The following GMDS variants were observed in gnomAD, a reference collection of about 807,000 sequenced individuals.
GMDS encodes GDP-mannose 4,6 dehydratase.
In GMDS, 20 loss-of-function variants were observed where a neutral mutation model predicts 49.9. That is an observed-to-expected ratio of 0.40 (90% CI 0.28 to 0.58). The LOEUF is 0.58. Among genes scored for constraint, GMDS ranks in the 20% least tolerant of loss-of-function variants. The pLI, the probability that GMDS is intolerant of heterozygous loss-of-function variation, is 0.42. For synonymous variants in GMDS, 177 were observed against 178.6 expected (o/e 0.99, Z 0.07); for missense variants, 362 against 481.4 (o/e 0.75, Z 2.32).
At chr6:1,651,542 G>A (rs559114518) in intron 9 of GMDS, among the ~76,000 whole-genome samples, 166 of 152,284 alleles carry the variant, frequency 1.1e-3, no homozygotes, top group Non-Finnish European at 1.9e-3. Flanking sequence ...ACAGTTGTTG[G>A]GGGCCGCACC....
At chr6:1,769,977 C>T (rs1401021117) in intron 7 of GMDS, among the ~76,000 whole-genome samples, 2 of 152,196 alleles carry the variant, frequency 1.3e-5, no homozygotes, top group African/African-American at 2.4e-5. Flanking sequence ...CCACCCGCCT[C>T]GGCCTCCCCG....
At chr6:1,679,245 G>A (rs995271052) in intron 9 of GMDS, 1 of 152,206 alleles carries the variant, frequency 6.6e-6, no homozygotes, top group African/African-American at 2.4e-5. Context: ...CGCTGGCACT[G>A]GATCCAAACC....
At chr6:1,789,214 C>T (rs1769431484) in intron 7 of GMDS, among the ~76,000 whole-genome samples, 1 of 152,234 alleles carries the variant, frequency 6.6e-6, no homozygotes, top group African/African-American at 2.4e-5. Flanking sequence ...TCAACGTGTT[C>T]ACTACCCAGA....
At chr6:1,688,224 G>A (rs1765053505) in intron 9 of GMDS, among the ~76,000 whole-genome samples, 1 of 152,162 alleles carries the variant, frequency 6.6e-6, no homozygotes, top group Admixed American at 6.5e-5. Context: ...TGATGCTTTG[G>A]GGTTTCAGCA....
intron 1 of GMDS, among the ~76,000 whole-genome samples, chr6:2,220,791 C>T (rs1475860307): frequency 1.3e-5 from 2 of 151,942 alleles, no homozygotes; most frequent in African/African-American, 4.8e-5. Flanking sequence ...ATCTGAAACA[C>T]TTGTGCTCCC....
chr6:2,047,183 T>C (rs1238022038), intron 4 of GMDS, among the ~76,000 whole-genome samples: 10 of 152,246 alleles, frequency 6.6e-5, no homozygotes, highest in African/African-American at 2.4e-4. Context: ...ATAGTTGTAT[T>C]GTAGCTGACA....
At chr6:2,056,111 C>T (rs1391943102) in intron 4 of GMDS, among the ~76,000 whole-genome samples, 1 of 152,108 alleles carries the variant, frequency 6.6e-6, no homozygotes, top group Non-Finnish European at 1.5e-5. Context: ...CATTCTACTG[C>T]TTGTATGTCA....
chr6:1,952,484 C>T (rs569032618), intron 6 of GMDS, among the ~76,000 whole-genome samples: 1 of 152,108 alleles, frequency 6.6e-6, no homozygotes, highest in African/African-American at 2.4e-5. Flanking sequence ...ATAGCCAAAC[C>T]CCTCTGATTC....
At chr6:2,155,591 G>A (rs1777074859) in intron 1 of GMDS, among the ~76,000 whole-genome samples, 1 of 152,140 alleles carries the variant, frequency 6.6e-6, no homozygotes, top group Non-Finnish European at 1.5e-5. Context: ...GAAGATTAGT[G>A]TGTACCAAGC....
intron 8 of GMDS, among the ~76,000 whole-genome samples, chr6:1,727,866 G>A (rs550044136): frequency 2.0e-5 from 3 of 152,146 alleles, no homozygotes; most frequent in Non-Finnish European, 4.4e-5. Flanking sequence ...ATATAGCGCA[G>A]TATGTTGAAT....
intron 7 of GMDS, among the ~76,000 whole-genome samples, chr6:1,913,054 G>A (rs1257940859): frequency 6.6e-6 from 1 of 152,142 alleles, no homozygotes; most frequent in Admixed American, 6.5e-5. Flanking sequence ...ATTTGATCAA[G>A]AAAACTAGTT....
Position 1,623,943 on chromosome 6 carries a change from G to A in GMDS, c.*226C>T, listed in dbSNP as rs1762763463. On this transcript the variant is annotated 3_prime_UTR_variant, in exon 11 of 11. Coordinates refer to ENST00000380815, the MANE Select transcript of GMDS (RefSeq NM_001500.4). ...TCTTGATTTCACAAAGCCATTCAGA[G>A]GAGGCTTCGACAAACGCAAAGCGAC... 3.9e-6 allele frequency: 2 copies of A among 511,264 alleles called. No homozygotes were observed. The highest frequency in any genetic ancestry group is 3.2e-5 in the South Asian group (1 of 31,048). The allele number at this position is 511,264 out of a possible 1,614,324, so 31.7% of individuals were successfully genotyped here. A position where few individuals can be genotyped will look rare whatever the true frequency, so the allele number is the denominator to read the frequency against.
intron 1 of GMDS, 22 bp from the exon 2 acceptor site, chr6:2,124,753 C>A: frequency 6.2e-7 from 1 of 1,603,184 alleles, no homozygotes; most frequent in Non-Finnish European, 8.5e-7. Flanking sequence ...GAAAAAATTG[C>A]AAAACGTCAG....
At chr6:1,749,576 G>C (rs781169235) in intron 7 of GMDS, among the ~76,000 whole-genome samples, 32 of 120,776 alleles carry the variant, frequency 2.6e-4, no homozygotes, top group Admixed American at 1.6e-3. Flanking sequence ...ATGGGTGACA[G>C]AGACTTTATC....
intron 1 of GMDS, among the ~76,000 whole-genome samples, chr6:2,181,842 C>T (rs1778552245): frequency 6.6e-6 from 1 of 152,192 alleles, no homozygotes; most frequent in Admixed American, 6.6e-5. Context: ...AACTAATAAC[C>T]CAGCAATGAC....
chr6:1,940,468 C>T (rs1225464725), intron 6 of GMDS, among the ~76,000 whole-genome samples: 3 of 152,218 alleles, frequency 2.0e-5, no homozygotes, highest in Non-Finnish European at 4.4e-5. Context: ...CTGTGAACTG[C>T]CTGGGCCATG....
chr6:1,920,506 A>G (rs1425954495), intron 7 of GMDS, among the ~76,000 whole-genome samples: 1 of 152,238 alleles, frequency 6.6e-6, no homozygotes, highest in African/African-American at 2.4e-5. Flanking sequence ...TGTGCAAAAG[A>G]CTGCCTTGAT....
At chr6:1,842,963 T>C (rs1314258267) in intron 7 of GMDS, among the ~76,000 whole-genome samples, 1 of 151,670 alleles carries the variant, frequency 6.6e-6, no homozygotes, top group African/African-American at 2.4e-5. Flanking sequence ...AAAAATTAGC[T>C]GGACATGGTG....
intron 8 of GMDS, among the ~76,000 whole-genome samples, chr6:1,734,014 G>A (rs774239864): frequency 2.0e-5 from 3 of 152,142 alleles, no homozygotes; most frequent in Non-Finnish European, 2.9e-5. Flanking sequence ...GGCGGGTGCC[G>A]TTTTTATGCT....
Sources: gnomAD v4.1 joint callset for allele counts (sites outside exome capture counted in the v4.1 genomes callset) on GRCh38, gnomAD v4.1.1 for gene constraint, MANE v1.5 for transcripts, NCBI Gene and HGNC (gene_info 2026-07-23, HGNC 2026-07-21) for gene names.